The following KLF15 variants were observed in gnomAD, a reference collection of about 807,000 sequenced individuals.
The protein encoded by KLF15 is KLF transcription factor 15.
KLF15 carries 4 observed loss-of-function variants against 24.6 expected under a neutral mutation model. The ratio of observed to expected loss-of-function variants is 0.16; its 90% CI spans 0.08 to 0.37. The LOEUF is 0.37. Among genes scored for constraint, KLF15 ranks in the 10% least tolerant of loss-of-function variants. The pLI, the probability that KLF15 is intolerant of heterozygous loss-of-function variation, is 1.00. For missense variants in KLF15, 496 were observed against 560.6 expected, an observed-to-expected ratio of 0.88 and a Z score of 1.16; for synonymous variants, 246 against 236.3, an observed-to-expected ratio of 1.04 and a Z score of -0.37.
the KLF15 span, among the ~76,000 whole-genome samples, chr3:126,323,412 TATATATATATATATATATATATAAC>T: frequency 5.8e-5 from 2 of 34,254 alleles, no homozygotes; most frequent in Admixed American, 7.7e-4. Flanking sequence ...GTTATATATA[TATATATATATATATATATATATAAC>T]ATATATATGT....
intron 2 of KLF15, among the ~76,000 whole-genome samples, chr3:126,345,553 T>A (rs1217148583): frequency 4.0e-5 from 6 of 149,786 alleles, no homozygotes; most frequent in South Asian, 2.1e-4. Context: ...CCACACATAC[T>A]CACACACACA....
chr3:126,289,861 C>A, the KLF15 span, among the ~76,000 whole-genome samples: 1 of 152,160 alleles, frequency 6.6e-6, no homozygotes, highest in Non-Finnish European at 1.5e-5. Context: ...CAGGTCTGTG[C>A]CTTTCTCCAA....
chr3:126,309,357 GATTA>G, the KLF15 span, among the ~76,000 whole-genome samples: 8 of 152,342 alleles, frequency 5.3e-5, no homozygotes, highest in South Asian at 1.7e-3. Context: ...GGAGCTGAGT[GATTA>G]ATTAAGGAAG....
At chr3:126,308,213 C>T in the KLF15 span, among the ~76,000 whole-genome samples, 2 of 152,136 alleles carry the variant, frequency 1.3e-5, no homozygotes, top group South Asian at 2.1e-4. Flanking sequence ...AGGCAGGAAG[C>T]GAATATCGGT....
Position 126,343,859 on chromosome 3 carries a change from G to A in KLF15, c.1119C>T (p.Arg373=), listed in dbSNP as rs751424956. 1.9e-6 allele frequency: 3 copies of A among 1,603,712 alleles called. No individual in the cohort carries two copies. The highest frequency in any genetic ancestry group is 2.5e-6 in the Non-Finnish European group (3 of 1,176,592). Residue 373 remains arginine (R), a synonymous_variant, in exon 3 of 3, where the codon CGC becomes CGT. Transcript: ENST00000296233. ...SRSDELSRHR[R]SHSGVKPYQC... is the part of the protein sequence containing the mutation. Reference sequence around the variant, plus strand: ...GGTACGGCTTCACACCTGAGTGCGAGCGCCTGTGCCGCGACAGCTCGTCAG... The same window carrying A: ...GGTACGGCTTCACACCTGAGTGCGAACGCCTGTGCCGCGACAGCTCGTCAG...
chr3:126,338,034 T>A (rs1253824549), downstream of KLF15, among the ~76,000 whole-genome samples: 1 of 152,174 alleles, frequency 6.6e-6, no homozygotes, highest in Non-Finnish European at 1.5e-5. Context: ...CTGGAAAGCA[T>A]TTTGCCAGCG....
chr3:126,304,248 C>T, the KLF15 span, among the ~76,000 whole-genome samples: 16 of 152,284 alleles, frequency 1.1e-4, no homozygotes, highest in East Asian at 2.9e-3. Context: ...TTTCAAGTAT[C>T]ATCTTTCGGA....
At chr3:126,299,344 T>A in the KLF15 span, among the ~76,000 whole-genome samples, 1 of 152,206 alleles carries the variant, frequency 6.6e-6, no homozygotes, top group Non-Finnish European at 1.5e-5. Flanking sequence ...TTTATGTACA[T>A]TGATTTTGTA....
At chr3:126,299,485 C>T in the KLF15 span, among the ~76,000 whole-genome samples, 1 of 151,794 alleles carries the variant, frequency 6.6e-6, no homozygotes, top group African/African-American at 2.4e-5. Context: ...CACGGTGGCT[C>T]ACGCCTGTAA....
At chr3:126,307,503 T>C in the KLF15 span, among the ~76,000 whole-genome samples, 2 of 152,112 alleles carry the variant, frequency 1.3e-5, no homozygotes, top group Admixed American at 6.5e-5. Context: ...CTAAGGGGAA[T>C]TGTTAGAATG....
At chr3:126,315,369 CA>C in the KLF15 span, among the ~76,000 whole-genome samples, 2 of 152,196 alleles carry the variant, frequency 1.3e-5, no homozygotes, top group East Asian at 3.9e-4. Context: ...CACTTTTCAA[CA>C]GTAACGCACT....
chr3:126,332,028 A>T, the KLF15 span, among the ~76,000 whole-genome samples: 1 of 152,238 alleles, frequency 6.6e-6, no homozygotes, highest in Non-Finnish European at 1.5e-5. Flanking sequence ...TTGCTTAGGT[A>T]AACAAAGCAG....
At chr3:126,326,427 A>T in the KLF15 span, among the ~76,000 whole-genome samples, 105,898 of 152,224 alleles carry the variant, frequency 0.7, 37,298 homozygotes, top group African/African-American at 0.81. Flanking sequence ...TTTATGGCAT[A>T]ATTTATAACA....
At chr3:126,326,371 GA>G in the KLF15 span, among the ~76,000 whole-genome samples, 1 of 151,912 alleles carries the variant, frequency 6.6e-6, no homozygotes, top group East Asian at 1.9e-4. Context: ...GCTTGATGGG[GA>G]TGGCATTGAA....
the KLF15 span, among the ~76,000 whole-genome samples, chr3:126,303,537 C>A: frequency 6.6e-6 from 1 of 151,676 alleles, no homozygotes; most frequent in African/African-American, 2.4e-5. Context: ...TGTAATATGC[C>A]TTTTTCTATG....
chr3:126,292,672 C>T, the KLF15 span, among the ~76,000 whole-genome samples: 42 of 151,976 alleles, frequency 2.8e-4, no homozygotes, highest in South Asian at 6.3e-4. Flanking sequence ...GGAGAGCGAG[C>T]GAGCAGCAGT....
Position 126,357,217 on chromosome 3 carries a change from C to A in KLF15, c.-26+20G>T, listed in dbSNP as rs1411587717. Reference sequence around the variant, plus strand: ...GGGCCGCGTCCACGCGGCCGGCCGGCCCCGCCGCGCCTCTCCCACCTGAAC... The same window carrying A: ...GGGCCGCGTCCACGCGGCCGGCCGGACCCGCCGCGCCTCTCCCACCTGAAC... On this transcript the variant is annotated intron_variant, in intron 1 of 2. Coordinates refer to ENST00000296233, the MANE Select transcript of KLF15 (RefSeq NM_014079.4). The A allele has an allele frequency of 6.7e-6, 1 of 150,200 alleles. No homozygotes were observed. Among genetic ancestry groups the A allele is most frequent in the Non-Finnish European group, 1.5e-5 (1 of 67,350 alleles). The allele number at this position is 150,200 out of a possible 1,614,324, so 9.3% of individuals were successfully genotyped here.
the KLF15 span, among the ~76,000 whole-genome samples, chr3:126,303,568 G>T: frequency 8.6e-5 from 13 of 151,452 alleles, no homozygotes; most frequent in East Asian, 5.8e-4. Flanking sequence ...AGGTTTTTTT[G>T]AATTACTGGT....
At chr3:126,303,751 G>A in the KLF15 span, among the ~76,000 whole-genome samples, 2 of 151,010 alleles carry the variant, frequency 1.3e-5, no homozygotes, top group Non-Finnish European at 3.0e-5. Flanking sequence ...CTCTTGTTTG[G>A]GAATCCTAAT....
Sources: allele counts gnomAD v4.1 joint callset (sites outside exome capture counted in the v4.1 genomes callset), GRCh38; gene constraint gnomAD v4.1.1; transcripts MANE v1.5; gene names NCBI Gene and HGNC (gene_info 2026-07-23, HGNC 2026-07-21).